Variants in CHST9 observed in about 807,000 individuals in gnomAD.
CHST9 encodes GalNAc-4-sulfotransferase 2.
CHST9 carries 41 observed loss-of-function variants against 44.4 expected under a neutral mutation model. The ratio of observed to expected loss-of-function variants is 0.92; its 90% CI spans 0.72 to 1.20. CHST9 has a LOEUF of 1.20. Among genes scored for constraint, CHST9 ranks in the 50% most tolerant of loss-of-function variants. CHST9 has a pLI of 0.00. For missense variants in CHST9, 504 were observed against 516.5 expected (o/e 0.98, Z 0.23); for synonymous variants, 171 against 178.4 (o/e 0.96, Z 0.33).
intron 2 of CHST9, among the ~76,000 whole-genome samples, chr18:27,132,906 C>T (rs546549144): frequency 8.5e-5 from 13 of 152,252 alleles, no homozygotes; most frequent in African/African-American, 3.1e-4. Flanking sequence ...TTGCTCTAAG[C>T]CTAGAATCTT....
intron 1 of CHST9, among the ~76,000 whole-genome samples, chr18:27,143,616 C>A (rs1355453429): frequency 1.3e-5 from 2 of 151,742 alleles, no homozygotes; most frequent in African/African-American, 2.4e-5. Context: ...AAAATTGCAT[C>A]CTTTTTTGAG....
chr18:27,076,195 G>A (rs575848667), intron 2 of CHST9, among the ~76,000 whole-genome samples: 1 of 152,260 alleles, frequency 6.6e-6, no homozygotes, highest in East Asian at 1.9e-4. Context: ...TCTCTGAAGA[G>A]GATTAAATTC....
chr18:27,113,176 T>TA (rs966652764), intron 2 of CHST9, among the ~76,000 whole-genome samples: 2 of 135,494 alleles, frequency 1.5e-5, no homozygotes, highest in Non-Finnish European at 3.1e-5. Context: ...GTGACAGAGC[T>TA]AGACTCCATC....
chr18:27,004,042 GA>G (rs982581283), intron 4 of CHST9, among the ~76,000 whole-genome samples: 3,103 of 143,084 alleles, frequency 0.022, 115 homozygotes, highest in African/African-American at 0.072. Context: ...TGAGTGTCTG[GA>G]AAAAAAAAAA....
At chr18:27,170,261 C>G (rs1376859710) in intron 1 of CHST9, among the ~76,000 whole-genome samples, 2 of 152,158 alleles carry the variant, frequency 1.3e-5, no homozygotes, top group African/African-American at 4.8e-5. Flanking sequence ...CACATTATCT[C>G]TCTTTCTTTC....
At chr18:27,106,422 A>C (rs754151006) in intron 2 of CHST9, among the ~76,000 whole-genome samples, 30 of 152,154 alleles carry the variant, frequency 2.0e-4, no homozygotes, top group Non-Finnish European at 5.9e-5. Context: ...GAGTTGGATA[A>C]ATTCGCCTAC....
At chr18:27,045,474 A>G (rs2057489019) in intron 3 of CHST9, among the ~76,000 whole-genome samples, 1 of 152,166 alleles carries the variant, frequency 6.6e-6, no homozygotes, top group East Asian at 1.9e-4. Context: ...CATAAAATCT[A>G]TGAAATAGCT....
chr18:27,154,232 A>C (rs2058681262), intron 1 of CHST9, among the ~76,000 whole-genome samples: 1 of 152,060 alleles, frequency 6.6e-6, no homozygotes, highest in African/African-American at 2.4e-5. Context: ...TTTCTTAAGC[A>C]GTTATATTCT....
At chr18:27,169,598 C>CTTTTTTTTTT (rs1156859087) in intron 1 of CHST9, among the ~76,000 whole-genome samples, 8 of 82,162 alleles carry the variant, frequency 9.7e-5, no homozygotes, top group East Asian at 4.1e-4. Flanking sequence ...ATATATTCTT[C>CTTTTTTTTTT]TTTTTTTTTT....
chr18:26,954,237 A>C (rs146238759), intron 4 of CHST9, among the ~76,000 whole-genome samples: 1 of 152,328 alleles, frequency 6.6e-6, no homozygotes, highest in African/African-American at 2.4e-5. Context: ...GAAAAGGCAC[A>C]GGACGAGGAA....
At chr18:26,997,737 C>A (rs2056902614) in intron 4 of CHST9, among the ~76,000 whole-genome samples, 1 of 152,170 alleles carries the variant, frequency 6.6e-6, no homozygotes, top group East Asian at 1.9e-4. Flanking sequence ...TAGCACATAA[C>A]CACTTTACTA....
At chr18:27,136,108 A>G (rs1294572066) in intron 2 of CHST9, among the ~76,000 whole-genome samples, 1 of 152,176 alleles carries the variant, frequency 6.6e-6, no homozygotes, top group South Asian at 2.1e-4. Context: ...GTTTTAACCA[A>G]ACCTTAAGGG....
intron 1 of CHST9, among the ~76,000 whole-genome samples, chr18:27,176,678 A>T (rs1413214516): frequency 6.6e-6 from 1 of 152,004 alleles, no homozygotes. Context: ...ATTATGTTTT[A>T]TAGAGTGTTC....
chr18:27,167,945 A>C (rs1000156832), intron 1 of CHST9, among the ~76,000 whole-genome samples: 1 of 152,206 alleles, frequency 6.6e-6, no homozygotes, highest in African/African-American at 2.4e-5. Context: ...GAGCTTAATG[A>C]ATGAAAGCAA....
chr18:27,142,716 G>A lies in CHST9; in HGVS notation c.94C>T (p.Gln32Ter), dbSNP rs1763100327. Reference sequence around the variant, plus strand: ...GTATGTTGTTCTTCAATCCAGACTTGCAAATACATGAAGAGGAGTAGCCCA... The same window carrying A: ...GTATGTTGTTCTTCAATCCAGACTTACAAATACATGAAGAGGAGTAGCCCA... ...VAGLLLFMYLQVWIEEQHTGR... is the reference protein window; with the variant it reads ...VAGLLLFMYL Residue 32 changes from glutamine to a stop codon, truncating the protein, a stop_gained, in exon 2 of 6, where the codon CAA becomes TAA. Coordinates refer to ENST00000618847, the MANE Select transcript of CHST9 (RefSeq NM_031422.6). LOFTEE classifies it high-confidence loss of function. 1 of 1,609,888 alleles carries A rather than the reference G, an allele frequency of 6.2e-7. No homozygotes were observed.
At chr18:27,062,664 G>T (rs2057738962) in intron 2 of CHST9, among the ~76,000 whole-genome samples, 1 of 152,058 alleles carries the variant, frequency 6.6e-6, no homozygotes, top group Non-Finnish European at 1.5e-5. Context: ...ATAATCCTTT[G>T]GGTATATACC....
chr18:27,092,559 T>C (rs1568169236), intron 2 of CHST9, among the ~76,000 whole-genome samples: 1 of 152,240 alleles, frequency 6.6e-6, no homozygotes, highest in Non-Finnish European at 1.5e-5. Flanking sequence ...TTTAGATCTT[T>C]CCTGCTTTCT....
At chr18:27,112,578 CGTGTGTGTGTGTGT>C (rs35249332) in intron 2 of CHST9, among the ~76,000 whole-genome samples, 29 of 140,534 alleles carry the variant, frequency 2.1e-4, no homozygotes, top group East Asian at 6.2e-4. Context: ...GGATATTCAA[CGTGTGTGTGTGTGT>C]GTGTGTGTGT....
chr18:26,925,722 A>G (rs2055754198), intron 5 of CHST9: 1 of 152,228 alleles, frequency 6.6e-6, no homozygotes, highest in Non-Finnish European at 1.5e-5. Flanking sequence ...GAAGATAATA[A>G]CAACATCTAC....
Sources: gnomAD v4.1 joint callset for allele counts (sites outside exome capture counted in the v4.1 genomes callset) on GRCh38, gnomAD v4.1.1 for gene constraint, MANE v1.5 for transcripts, NCBI Gene and HGNC (gene_info 2026-07-23, HGNC 2026-07-21) for gene names.